MYO18B: variants seen among roughly 807,000 people sequenced by gnomAD.
MYO18B encodes the protein unconventional myosin-XVIIIb.
In MYO18B, 204 loss-of-function variants were observed where a neutral mutation model predicts 273.0. That is an observed-to-expected ratio of 0.75 (90% CI 0.67 to 0.84). MYO18B has a LOEUF of 0.84. Ranked by LOEUF, MYO18B falls within the 40% of genes least tolerant of loss-of-function variation. The pLI is 0.00. For missense variants in MYO18B, 3,212 were observed against 3,287.6 expected (o/e 0.98, Z 0.56); for synonymous variants, 1,330 against 1,305.7 (o/e 1.02, Z -0.40).
intron 38 of MYO18B, among the ~76,000 whole-genome samples, chr22:25,954,392 A>C (rs2092824822): frequency 6.6e-6 from 1 of 152,032 alleles, no homozygotes. Flanking sequence ...ACTTCAGCAG[A>C]GTTCTCTCTT....
At chr22:25,785,550 G>A (rs1413126153) in intron 11 of MYO18B, 59 bp downstream of exon 11, 2 of 1,548,234 alleles carry the variant, frequency 1.3e-6, no homozygotes, top group African/African-American at 2.7e-5. Flanking sequence ...TAGATGGGAG[G>A]GTGATGAGTC....
the MYO18B span, among the ~76,000 whole-genome samples, chr22:26,038,012 C>T: frequency 1.3e-5 from 2 of 152,182 alleles, no homozygotes; most frequent in African/African-American, 2.4e-5. Flanking sequence ...GGTACAAGTA[C>T]ATTACACTGG....
intron 43 of MYO18B, among the ~76,000 whole-genome samples, chr22:26,029,790 C>T (rs1936561316): frequency 6.6e-6 from 1 of 152,134 alleles, no homozygotes; most frequent in Non-Finnish European, 1.5e-5. Context: ...TCACCAAGCC[C>T]CTGTGTCCTC....
chr22:26,025,797 G>C (rs147690451), intron 42 of MYO18B, among the ~76,000 whole-genome samples: 1 of 152,166 alleles, frequency 6.6e-6, no homozygotes, highest in Non-Finnish European at 1.5e-5. Flanking sequence ...TGTTTTTGGC[G>C]CTGCTGCCAC....
intron 12 of MYO18B, among the ~76,000 whole-genome samples, chr22:25,817,422 C>A (rs1377121016): frequency 2.6e-5 from 2 of 76,412 alleles, no homozygotes; most frequent in African/African-American, 4.4e-5. Context: ...TCCCTCTTTT[C>A]TTTCCCTTTC....
intron 14 of MYO18B, 40 bp downstream of exon 14, chr22:25,826,539 C>A: frequency 6.5e-7 from 1 of 1,529,886 alleles, no homozygotes; most frequent in Non-Finnish European, 9.0e-7. Flanking sequence ...TGGCCTCTTG[C>A]AGGTGCACAG....
At chr22:26,041,352 CAA>C in the MYO18B span, among the ~76,000 whole-genome samples, 1 of 62,180 alleles carries the variant, frequency 1.6e-5, no homozygotes, top group Non-Finnish European at 3.3e-5. Context: ...CTGTCTCTAC[CAA>C]AAAAAAAAAA....
At chr22:25,895,322 G>A (rs767895340) in intron 28 of MYO18B, 42 bp downstream of exon 28, 1 of 1,562,536 alleles carries the variant, frequency 6.4e-7, no homozygotes, top group Non-Finnish European at 8.7e-7. Context: ...GTGTTAGAGA[G>A]TGGGCAGGCT....
chr22:25,910,735 A>G (rs373678221), intron 32 of MYO18B, among the ~76,000 whole-genome samples: 232 of 152,286 alleles, frequency 1.5e-3, no homozygotes, highest in African/African-American at 5.4e-3. Context: ...GTTCCCCATC[A>G]TTGACCAGCC....
intron 21 of MYO18B, among the ~76,000 whole-genome samples, chr22:25,866,628 C>G (rs1231954973): frequency 6.6e-6 from 1 of 151,822 alleles, no homozygotes; most frequent in African/African-American, 2.4e-5. Flanking sequence ...ATCATGAGGT[C>G]AAGAGATGGA....
intron 7 of MYO18B, among the ~76,000 whole-genome samples, chr22:25,773,625 A>G (rs997049401): frequency 1.3e-5 from 2 of 151,950 alleles, no homozygotes; most frequent in Admixed American, 6.6e-5. Context: ...CACCACGCCC[A>G]GCTAATTTTT....
At chr22:25,856,203 T>C (rs2090569025) in intron 21 of MYO18B, among the ~76,000 whole-genome samples, 1 of 152,200 alleles carries the variant, frequency 6.6e-6, no homozygotes, top group Non-Finnish European at 1.5e-5. Flanking sequence ...AATGTGTTAT[T>C]TCTTGTTTTG....
At chr22:25,950,526 G>A (rs2092780007) in intron 37 of MYO18B, 76 bp downstream of exon 37, 1 of 661,224 alleles carries the variant, frequency 1.5e-6, no homozygotes, top group Non-Finnish European at 2.5e-6. Context: ...GGATGTGTGT[G>A]TGTGTGTGTG....
intron 42 of MYO18B, among the ~76,000 whole-genome samples, chr22:26,007,065 C>G (rs1378574589): frequency 1.3e-5 from 2 of 152,152 alleles, no homozygotes; most frequent in Non-Finnish European, 2.9e-5. Context: ...TTTCCCCTTC[C>G]AAGTTCTTGG....
chr22:25,833,115 C>A (rs1213874478), intron 16 of MYO18B, 118 bp downstream of exon 16: 2 of 940,294 alleles, frequency 2.1e-6, no homozygotes, highest in Non-Finnish European at 3.3e-6. Context: ...AGAGTCACCC[C>A]GGGATCATTG....
chr22:25,835,276 A>G lies in MYO18B; in HGVS notation c.3061-20A>G. ...TGATGGGTATCAGGGCCCTTCAGTG[A>G]ATCCTGGTTCTCCCAGCAGGTCCGC... is the stretch of plus-strand genomic sequence containing the variant. On this transcript the variant is annotated intron_variant, in intron 16 of 43. Coordinates refer to ENST00000335473, the MANE Select transcript of MYO18B (RefSeq NM_032608.7). The G allele has an allele frequency of 6.2e-7, 1 of 1,611,120 alleles. No homozygotes were observed. The highest frequency in any genetic ancestry group is 8.5e-7 in the Non-Finnish European group (1 of 1,178,702).
At chr22:25,770,737 G>A in intron 5 of MYO18B, 135 bp from the exon 6 acceptor site, 1 of 640,762 alleles carries the variant, frequency 1.6e-6, no homozygotes. Context: ...ACCCCAAATG[G>A]AGACCTGTCC....
chr22:25,925,902 CAAAAAAA>C (rs34754921), intron 34 of MYO18B, among the ~76,000 whole-genome samples: 1 of 65,770 alleles, frequency 1.5e-5, no homozygotes. Context: ...AAGACTCTGT[CAAAAAAA>C]AAAAAAAAAA....
intron 25 of MYO18B, among the ~76,000 whole-genome samples, chr22:25,882,802 C>T (rs772744337): frequency 1.3e-5 from 2 of 152,174 alleles, no homozygotes; most frequent in Non-Finnish European, 2.9e-5. Flanking sequence ...GGATGTATTG[C>T]ATAGTGATGA....
Sources: gnomAD v4.1 joint callset for allele counts (sites outside exome capture counted in the v4.1 genomes callset) on GRCh38, gnomAD v4.1.1 for gene constraint, MANE v1.5 for transcripts, NCBI Gene and HGNC (gene_info 2026-07-23, HGNC 2026-07-21) for gene names.